Variants in FMNL3 observed in about 807,000 individuals in gnomAD.
FMNL3 encodes the protein formin-like protein 3.
A neutral mutation model predicts 119.6 loss-of-function variants in FMNL3; 57 were observed. The observed-to-expected ratio is 0.48, with a 90% CI of 0.39 to 0.59. The LOEUF is 0.59. FMNL3 is among the 20% of genes least tolerant of loss of function. The pLI is 0.00. For missense variants in FMNL3, 1,053 were observed against 1,323.5 expected, an observed-to-expected ratio of 0.80 and a Z score of 3.17; for synonymous variants, 491 against 507.3, an observed-to-expected ratio of 0.97 and a Z score of 0.43.
At chr12:49,701,903 A>G (rs1156684639) in intron 1 of FMNL3, among the ~76,000 whole-genome samples, 2 of 152,220 alleles carry the variant, frequency 1.3e-5, no homozygotes, top group Non-Finnish European at 2.9e-5. Context: ...AGCCTGGGTG[A>G]CAGAGTAAGA....
rs1416513256 is a variant in FMNL3 at position 49,643,502 on chromosome 12, G to A, written c.*2313C>T. 6.9e-7 allele frequency: 1 copy of A among 1,449,340 alleles called. No homozygotes were observed. The highest frequency in any genetic ancestry group is 2.3e-5 in the East Asian group (1 of 43,700). 89.8% of individuals were successfully genotyped at this position (1,449,340 alleles called of 1,614,324 possible). A position where few individuals can be genotyped will look rare whatever the true frequency, so the allele number is the denominator to read the frequency against. ...TTTGAGGGTAGACTGGATTGGGAGG[G>A]CTGCACCTGTGGAAGTAGAAAGAAC... On this transcript the variant is annotated 3_prime_UTR_variant, in exon 26 of 26. Coordinates refer to ENST00000335154, the MANE Select transcript of FMNL3 (RefSeq NM_175736.5).
At chr12:49,698,423 A>G (rs1944811138) in intron 1 of FMNL3, among the ~76,000 whole-genome samples, 2 of 152,090 alleles carry the variant, frequency 1.3e-5, no homozygotes, top group Non-Finnish European at 2.9e-5. Flanking sequence ...GGTTCTGGAC[A>G]TTATTGAGAA....
At chr12:49,677,932 GGCTCTCCGCAA>G (rs1415128664) in intron 1 of FMNL3, among the ~76,000 whole-genome samples, 3 of 152,140 alleles carry the variant, frequency 2.0e-5, no homozygotes, top group Non-Finnish European at 2.9e-5. Context: ...GCACGATCTT[GGCTCTCCGCAA>G]GCTCTGCGTC....
chr12:49,682,272 G>A (rs1477165743), intron 1 of FMNL3, among the ~76,000 whole-genome samples: 4 of 151,790 alleles, frequency 2.6e-5, no homozygotes, highest in Non-Finnish European at 4.4e-5. Flanking sequence ...GGGTTTCACT[G>A]TGTTAGCCAG....
intron 1 of FMNL3, among the ~76,000 whole-genome samples, chr12:49,696,533 A>G (rs966988667): frequency 2.0e-5 from 3 of 152,260 alleles, no homozygotes; most frequent in Admixed American, 1.3e-4. Flanking sequence ...TACAAGGAAA[A>G]AAACGCTACA....
In FMNL3 at chr12:49,649,657, C is replaced by CT. The variant is rs775995937; in HGVS notation, c.2235+33dup. ...TAGCAGATGGAGGGTGGAGGGACAG[C>CT]TGTCCAGAGCCATGAGTTGGGTGGG... On this transcript the variant is annotated intron_variant, in intron 18 of 25. Transcript: ENST00000335154. The surrounding 1 kb of genome is among the most constrained non-coding windows in gnomAD (Gnocchi z 5.6). The CT allele has an allele frequency of 4.3e-6, 7 of 1,612,434 alleles. No homozygotes were observed. The highest frequency in any genetic ancestry group is 5.9e-6 in the Non-Finnish European group (7 of 1,178,518).
At chr12:49,663,119 C>T (rs189916872) in intron 4 of FMNL3, among the ~76,000 whole-genome samples, 4 of 152,208 alleles carry the variant, frequency 2.6e-5, no homozygotes, top group African/African-American at 7.2e-5. Flanking sequence ...TGACTGACAC[C>T]GGAGCTGCCT....
rs1372850265 is a variant in FMNL3 at position 49,640,483 on chromosome 12, T to G, written c.*5332A>C. 6.6e-6 allele frequency: 1 copy of G among 151,614 alleles called. No homozygotes were observed. Among genetic ancestry groups the G allele is most frequent in the African/African-American group, 2.4e-5 (1 of 41,188 alleles). The allele number at this position is 151,614 out of a possible 1,614,324, so 9.4% of individuals were successfully genotyped here. A position where few individuals can be genotyped will look rare whatever the true frequency, so the allele number is the denominator to read the frequency against. ...GTAGAGGCACTGAGGACCAGATGAG[T>G]GAGGACAAAGAAGGCGGCCTTGGAT... On this transcript the variant is annotated 3_prime_UTR_variant, in exon 26 of 26. Coordinates refer to ENST00000335154, the MANE Select transcript of FMNL3 (RefSeq NM_175736.5).
In FMNL3 at chr12:49,651,554, A is replaced by AC. The variant is rs972196859; in HGVS notation, c.1604-105_1604-104insG. Reference sequence around the variant, plus strand: ...CCTTCTCTGAGAGTTAAAAAAAAAAAAAACTCTCAGAGAAGGAGCCTACAT... The same window carrying AC: ...CCTTCTCTGAGAGTTAAAAAAAAAAACAAACTCTCAGAGAAGGAGCCTACAT... On this transcript the variant is annotated intron_variant, in intron 14 of 25. Transcript: ENST00000335154. The AC allele has an allele frequency of 1.4e-5, 14 of 1,027,208 alleles. No individual in the cohort carries two copies. In the African/African-American group the frequency reaches 2.3e-4, roughly 17 times the overall value. The allele number at this position is 1,027,208 out of a possible 1,614,324, so 63.6% of individuals were successfully genotyped here. A position where few individuals can be genotyped will look rare whatever the true frequency, so the allele number is the denominator to read the frequency against.
At chr12:49,654,811 C>T (rs2138768044) in intron 10 of FMNL3, 99 bp downstream of exon 10, 10 of 1,120,868 alleles carry the variant, frequency 8.9e-6, no homozygotes, top group South Asian at 4.3e-5. Context: ...CTGGGCTCTA[C>T]GTGGAATATC....
chr12:49,653,877 G>C lies in FMNL3; in HGVS notation c.1072-3C>G, dbSNP rs779142099. 1 of 1,613,878 alleles carries C rather than the reference G, an allele frequency of 6.2e-7. No individual in the cohort carries two copies. On this transcript the variant is annotated splice_region_variant and splice_polypyrimidine_tract_variant and intron_variant, in intron 11 of 25. Transcript: ENST00000335154. ...TCGCTCTCTGTGTGCCTTGACTTCT[G>C]GGGGAAGAGCAGAGAGTAGGAGTAG...
At position 49,645,144 on chromosome 12, in the gene FMNL3, A is replaced by G. The variant is rs908054204; in HGVS notation, c.*671T>C. The G allele has an allele frequency of 4.6e-5, 7 of 150,984 alleles. No homozygotes were observed. Among genetic ancestry groups the G allele is most frequent in the African/African-American group, 1.7e-4 (7 of 40,860 alleles). The allele number at this position is 150,984 out of a possible 1,614,324, so 9.4% of individuals were successfully genotyped here. A position where few individuals can be genotyped will look rare whatever the true frequency, so the allele number is the denominator to read the frequency against. On this transcript the variant is annotated 3_prime_UTR_variant, in exon 26 of 26. Transcript: ENST00000335154. ...AAAAAAAAAAACCGTAGCTGAGGAA[A>G]GAAGGTGAAGAGTTGGCACACCCTT...
At chr12:49,650,642 C>T (rs752068080) in intron 17 of FMNL3, 34 bp downstream of exon 17, 3 of 1,610,226 alleles carry the variant, frequency 1.9e-6, no homozygotes, top group Non-Finnish European at 2.5e-6. Flanking sequence ...TGCCAACAGA[C>T]TAGGGACCAG....
At chr12:49,670,690 G>A (rs942707647) in intron 1 of FMNL3, among the ~76,000 whole-genome samples, 5 of 152,228 alleles carry the variant, frequency 3.3e-5, no homozygotes, top group African/African-American at 1.2e-4. Context: ...ACAGGAAAGT[G>A]AGGCTGAGTC....
In FMNL3 at chr12:49,648,224, T is replaced by TCC. The variant is rs1943274271; in HGVS notation, c.2644_2645insGG (p.Asp882GlyfsTer61). ...CGTCTTGGCGTCCCGCTGGAGCTTG[T>TCC]CTAGTTTGCCTTCATTGGTACTGAG... On this transcript the variant is annotated frameshift_variant, in exon 22 of 26. Coordinates refer to ENST00000335154, the MANE Select transcript of FMNL3 (RefSeq NM_175736.5). LOFTEE classifies it high-confidence loss of function. 6.2e-7 allele frequency: 1 copy of TCC among 1,613,688 alleles called. No individual in the cohort carries two copies.
chr12:49,648,471 C>T (rs1943285521), intron 21 of FMNL3, 118 bp from the exon 22 acceptor site: 2 of 1,068,568 alleles, frequency 1.9e-6, no homozygotes, highest in South Asian at 1.8e-5. Flanking sequence ...GGTTCACATA[C>T]CTGTATGGAC....
chr12:49,669,112 C>T (rs906734740), intron 1 of FMNL3, among the ~76,000 whole-genome samples: 1 of 152,212 alleles, frequency 6.6e-6, no homozygotes, highest in African/African-American at 2.4e-5. Flanking sequence ...AACTGTGACC[C>T]TCTTGCCCAT....
Position 49,646,877 on chromosome 12 carries a change from G to T in FMNL3, c.2995+9C>A. 6.2e-6 allele frequency: 10 copies of T among 1,613,726 alleles called. No individual in the cohort carries two copies. The highest frequency in any genetic ancestry group is 8.5e-6 in the Non-Finnish European group (10 of 1,179,820). On this transcript the variant is annotated intron_variant, in intron 25 of 25. Transcript: ENST00000335154. ...ATGGCCAGGCCCCAGGGAGTGAAAA[G>T]GGCCCCACCTGTGATGATGTCCTCG...
rs949092360 is a variant in FMNL3 at position 49,653,840 on chromosome 12, A to G, written c.1106T>C (p.Val369Ala). Residue 369 changes from valine to alanine, a missense_variant, in exon 12 of 26, where the codon GTG (valine) becomes GCG (alanine). By Grantham distance (64) the Val-to-Ala change is moderately conservative. This residue lies in a region of FMNL3 where 445 missense variants were observed against 628.4 expected (regional missense o/e 0.71). Transcript: ENST00000335154. ...SRHTESEKLQ[V>A]QIQAYLDNVF... ...GTTGTCCAGATATGCCTGAATCTGC[A>G]CCTGCAGCTTCTCGCTCTCTGTGTG... 9 of 1,614,104 alleles carry G rather than the reference A, an allele frequency of 5.6e-6. No individual in the cohort carries two copies. The highest frequency in any genetic ancestry group is 1.7e-5 in the Admixed American group (1 of 60,002).
Sources: allele counts gnomAD v4.1 joint callset (sites outside exome capture counted in the v4.1 genomes callset), GRCh38; gene constraint gnomAD v4.1.1; regional missense constraint gnomAD v4.1.1; non-coding constraint Gnocchi (gnomAD v3.1); transcripts MANE v1.5; gene names NCBI Gene and HGNC (gene_info 2026-07-23, HGNC 2026-07-21).